The following FSTL4 variants were observed in gnomAD, a reference collection of about 807,000 sequenced individuals.
FSTL4 encodes follistatin like 4.
FSTL4 carries 28 observed loss-of-function variants against 78.2 expected under a neutral mutation model. The ratio of observed to expected loss-of-function variants is 0.36; its 90% CI spans 0.27 to 0.49. FSTL4 has a LOEUF of 0.49. Ranked by LOEUF, FSTL4 falls within the 20% of genes least tolerant of loss-of-function variation. The pLI is 0.98. For synonymous variants in FSTL4, 422 were observed against 440.5 expected (o/e 0.96, Z 0.53); for missense variants, 922 against 1,084.9 (o/e 0.85, Z 2.11).
the FSTL4 span, among the ~76,000 whole-genome samples, chr5:133,756,667 G>T: frequency 1.8e-3 from 269 of 152,264 alleles, no homozygotes; most frequent in African/African-American, 5.9e-3. Flanking sequence ...GGAGGTGGGG[G>T]AGGAGGGTGC....
chr5:133,270,543 T>C (rs1752745892), intron 6 of FSTL4, among the ~76,000 whole-genome samples: 1 of 152,228 alleles, frequency 6.6e-6, no homozygotes, highest in South Asian at 2.1e-4. Flanking sequence ...GGACTAAATT[T>C]GATAGGACGT....
At chr5:133,250,581 G>A (rs1561643506) in intron 6 of FSTL4, among the ~76,000 whole-genome samples, 1 of 152,274 alleles carries the variant, frequency 6.6e-6, no homozygotes. Flanking sequence ...GAACTGGAAC[G>A]AAGCAGAGTT....
intron 3 of FSTL4, among the ~76,000 whole-genome samples, chr5:133,546,243 A>T (rs1759569796): frequency 6.6e-6 from 1 of 152,188 alleles, no homozygotes; most frequent in South Asian, 2.1e-4. Context: ...GCAGTGGTTC[A>T]TGCCTGTAAT....
At chr5:133,684,954 A>C in the FSTL4 span, among the ~76,000 whole-genome samples, 1 of 152,194 alleles carries the variant, frequency 6.6e-6, no homozygotes, top group Non-Finnish European at 1.5e-5. Flanking sequence ...GACAAGATTT[A>C]AATAGCAGAC....
chr5:133,247,392 G>A (rs1282583973), intron 7 of FSTL4: 1 of 152,244 alleles, frequency 6.6e-6, no homozygotes, highest in African/African-American at 2.4e-5. Context: ...AGTACATTAA[G>A]TGGAGTTTTG....
At chr5:133,357,391 A>G (rs973206981) in intron 4 of FSTL4, among the ~76,000 whole-genome samples, 2 of 152,140 alleles carry the variant, frequency 1.3e-5, no homozygotes, top group Non-Finnish European at 2.9e-5. Context: ...CTCTAGCTGC[A>G]TCTTCAGCCT....
chr5:133,310,406 G>C lies in FSTL4; in HGVS notation c.727+2248C>G, dbSNP rs75535678. On this transcript the variant is annotated intron_variant, in intron 6 of 15. Transcript: ENST00000265342. ...ATGTGGCTGGAGGTCAGGTAATGAC[G>C]TCCTTCCCTTTCCAGGGTAGCTCAT... 5.3e-5 allele frequency among the ~76,000 whole-genome samples: 8 copies of C among 152,310 alleles called. No individual in the cohort carries two copies. In the East Asian group the frequency reaches 1.5e-3, roughly 29 times the overall value.
chr5:133,200,637 G>A (rs962407421), intron 15 of FSTL4, among the ~76,000 whole-genome samples: 1 of 152,226 alleles, frequency 6.6e-6, no homozygotes, highest in African/African-American at 2.4e-5. Context: ...CCTCTTTGGA[G>A]GCTGGTTGGA....
chr5:133,423,644 CA>C (rs1756745357), intron 3 of FSTL4, among the ~76,000 whole-genome samples: 1 of 152,008 alleles, frequency 6.6e-6, no homozygotes, highest in Non-Finnish European at 1.5e-5. Flanking sequence ...GTGGTGGAGG[CA>C]ATGGTAGTGG....
chr5:133,514,221 A>AATAATG (rs1212607024), intron 3 of FSTL4, among the ~76,000 whole-genome samples: 31 of 148,294 alleles, frequency 2.1e-4, no homozygotes, highest in Admixed American at 2.0e-3. Context: ...TAATAATAAT[A>AATAATG]ATAAACCGTT....
chr5:133,206,497 G>A (rs779475981), intron 14 of FSTL4, among the ~76,000 whole-genome samples: 2 of 152,136 alleles, frequency 1.3e-5, no homozygotes, highest in Non-Finnish European at 2.9e-5. Context: ...GAGTCGCTGG[G>A]ATTACAGATG....
intron 7 of FSTL4, among the ~76,000 whole-genome samples, chr5:133,234,427 G>C (rs956428034): frequency 6.6e-6 from 1 of 152,218 alleles, no homozygotes; most frequent in African/African-American, 2.4e-5. Context: ...GGCTGCATCA[G>C]AGTCCCCTGA....
chr5:133,731,014 G>A, the FSTL4 span, among the ~76,000 whole-genome samples: 1 of 152,202 alleles, frequency 6.6e-6, no homozygotes, highest in Non-Finnish European at 1.5e-5. Flanking sequence ...CTCTGATGCT[G>A]ATCTGCTTGA....
rs200582046 is a variant in FSTL4, at chr5:133,269,106, C to T, written c.728-19530G>A. ...CTGAGGTAGGAGAATGGCGTGAACC[C>T]GGGAGGCGGAGCTTGCAGTGAGCTG... On this transcript the variant is annotated intron_variant, in intron 6 of 15. Coordinates refer to ENST00000265342, the MANE Select transcript of FSTL4 (RefSeq NM_015082.2). Among the ~76,000 whole-genome samples the T allele has an allele frequency of 1.3e-3, 184 of 145,746 alleles. 1 individual carries two copies. Among genetic ancestry groups the T allele is most frequent in the African/African-American group, 4.3e-3 (167 of 38,440 alleles).
chr5:133,800,670 C>T, the FSTL4 span, among the ~76,000 whole-genome samples: 2 of 137,612 alleles, frequency 1.5e-5, no homozygotes, highest in East Asian at 4.0e-4. Context: ...TCTTGAGGGG[C>T]TTTTAATGGC....
chr5:133,236,375 G>A lies in FSTL4; in HGVS notation c.895-2838C>T, dbSNP rs1377031542. On this transcript the variant is annotated intron_variant, in intron 7 of 15. Transcript: ENST00000265342. This position sits in a 1 kb window ranked among gnomAD's most constrained non-coding sequence, Gnocchi z 5.0. ...CATACGGTCTTCAAGAGGTTACCGT[G>A]TGCCGGGAACTTACACGTCACCTTG... Among the ~76,000 whole-genome samples the A allele has an allele frequency of 6.6e-6, 1 of 151,986 alleles. No individual in the cohort carries two copies. The highest frequency in any genetic ancestry group is 2.4e-5 in the African/African-American group (1 of 41,364).
intron 3 of FSTL4, among the ~76,000 whole-genome samples, chr5:133,435,849 T>C (rs2126999230): frequency 6.6e-6 from 1 of 152,348 alleles, no homozygotes; most frequent in East Asian, 1.9e-4. Flanking sequence ...CATTTAGTGT[T>C]GTTGCCTTGA....
intron 3 of FSTL4, among the ~76,000 whole-genome samples, chr5:133,465,899 A>G (rs144224088): frequency 6.6e-6 from 1 of 152,376 alleles, no homozygotes; most frequent in Non-Finnish European, 1.5e-5. Context: ...AAGGCTCAAC[A>G]TCGTGGCTAG....
intron 3 of FSTL4, among the ~76,000 whole-genome samples, chr5:133,546,875 C>T (rs1759585531): frequency 6.6e-6 from 1 of 152,138 alleles, no homozygotes; most frequent in African/African-American, 2.4e-5. Context: ...ACCTTTGTGA[C>T]ATTCAAGTGG....
Sources: gnomAD v4.1 joint callset for allele counts (sites outside exome capture counted in the v4.1 genomes callset) on GRCh38, gnomAD v4.1.1 for gene constraint, Gnocchi (gnomAD v3.1) non-coding constraint, MANE v1.5 for transcripts, NCBI Gene and HGNC (gene_info 2026-07-23, HGNC 2026-07-21) for gene names.